EDAR: variants seen among roughly 807,000 people sequenced by gnomAD.
EDAR encodes tumor necrosis factor receptor superfamily member EDAR.
A neutral mutation model predicts 51.3 loss-of-function variants in EDAR; 38 were observed. The ratio of observed to expected loss-of-function variants is 0.74; its 90% CI spans 0.57 to 0.97. EDAR has a LOEUF of 0.97. EDAR is among the 50% of genes least tolerant of loss of function. EDAR has a pLI of 0.00. For synonymous variants in EDAR, 227 were observed against 242.1 expected (o/e 0.94, Z 0.58); for missense variants, 528 against 595.0 (o/e 0.89, Z 1.17).
intron 5 of EDAR, among the ~76,000 whole-genome samples, chr2:108,922,280 T>C (rs749198167): frequency 6.6e-6 from 1 of 152,244 alleles, no homozygotes; most frequent in Non-Finnish European, 1.5e-5. Context: ...TGAATCAGCC[T>C]AGATCCCCAC....
chr2:108,903,635 C>T (rs1459778215), intron 11 of EDAR, among the ~76,000 whole-genome samples: 1 of 152,016 alleles, frequency 6.6e-6, no homozygotes, highest in Non-Finnish European at 1.5e-5. Flanking sequence ...GTTTGAAAAG[C>T]AATTCAATGG....
intron 6 of EDAR, among the ~76,000 whole-genome samples, chr2:108,911,773 G>A (rs1001511896): frequency 5.3e-5 from 8 of 152,116 alleles, no homozygotes; most frequent in African/African-American, 1.7e-4. Context: ...AAATAGACAG[G>A]AGACCAGCAT....
chr2:108,988,457 C>T (rs561574005), intron 1 of EDAR, among the ~76,000 whole-genome samples: 40 of 152,270 alleles, frequency 2.6e-4, no homozygotes, highest in Admixed American at 1.8e-3. Context: ...CCCGCTCCCC[C>T]GCCACCAACA....
intron 5 of EDAR, among the ~76,000 whole-genome samples, chr2:108,919,773 G>A (rs1558807865): frequency 6.6e-6 from 1 of 151,944 alleles, no homozygotes; most frequent in South Asian, 2.1e-4. Context: ...GCGAGGCTCC[G>A]TGGGGCACCT....
Position 108,895,778 on chromosome 2 carries a change from T to C in EDAR, c.*1129A>G, listed in dbSNP as rs13001699. 111,646 of 152,210 alleles carry C rather than the reference T, an allele frequency of 0.73. 43,751 individuals carry two copies. Among genetic ancestry groups the C allele is most frequent in the East Asian group, 0.97 (5,002 of 5,178 alleles). 9.4% of individuals were successfully genotyped at this position (152,210 alleles called of 1,614,324 possible). ...CAACTAGAAGCCAGCTCCCTCGACA[T>C]CAAGCCCAGGCTCTCATTTGCGCTG... On this transcript the variant is annotated 3_prime_UTR_variant, in exon 12 of 12. Transcript: ENST00000258443.
At chr2:108,975,822 T>C (rs1248720516) in intron 1 of EDAR, among the ~76,000 whole-genome samples, 1 of 152,040 alleles carries the variant, frequency 6.6e-6, no homozygotes, top group Non-Finnish European at 1.5e-5. Flanking sequence ...CTGAACGAGC[T>C]CGAGAAGTCA....
intron 11 of EDAR, among the ~76,000 whole-genome samples, chr2:108,904,132 C>T (rs754266775): frequency 3.3e-5 from 5 of 151,772 alleles, no homozygotes; most frequent in Non-Finnish European, 4.4e-5. Context: ...AAAAATCATA[C>T]GATACCATTG....
chr2:108,896,812 C>T lies in EDAR; in HGVS notation c.*95G>A. 2 of 1,288,562 alleles carry T rather than the reference C, an allele frequency of 1.6e-6. No homozygotes were observed. Among genetic ancestry groups the T allele is most frequent in the Non-Finnish European group, 2.2e-6 (2 of 924,214 alleles). The allele number at this position is 1,288,562 out of a possible 1,614,324, so 79.8% of individuals were successfully genotyped here. On this transcript the variant is annotated 3_prime_UTR_variant, in exon 12 of 12. Transcript: ENST00000258443. ...GCATACGGTGACATATCACAAAAGC[C>T]TTGATTCTTGGCAGTCTTTTGGCAC...
At chr2:108,900,686 T>C (rs1217512960) in intron 11 of EDAR, among the ~76,000 whole-genome samples, 1 of 151,912 alleles carries the variant, frequency 6.6e-6, no homozygotes, top group Non-Finnish European at 1.5e-5. Context: ...TTCAATATAA[T>C]GAGAGAGGCG....
At chr2:108,971,943 G>C (rs1475501773) in intron 1 of EDAR, among the ~76,000 whole-genome samples, 1 of 152,170 alleles carries the variant, frequency 6.6e-6, no homozygotes, top group Non-Finnish European at 1.5e-5. Context: ...GTCACATAGG[G>C]GCAACAGAGG....
rs527906309 is a variant in EDAR at position 108,913,100 on chromosome 2, C to G, written c.443-336G>C. On this transcript the variant is annotated intron_variant, in intron 5 of 11. Transcript: ENST00000258443. The stretch of plus-strand genomic sequence containing the variant: ...AGTAACTGGGACTACAGGCACCCAC[C>G]ACCACACCTGGCTAATTTTTTTGTA... 3.3e-5 allele frequency among the ~76,000 whole-genome samples: 5 copies of G among 152,094 alleles called. No individual in the cohort carries two copies. The South Asian group carries it at 8.3e-4, about 25-fold the overall frequency.
In EDAR at chr2:108,894,608, A is replaced by G. The variant is rs543743909; in HGVS notation, c.*2299T>C. The G allele has an allele frequency of 6.6e-6, 1 of 152,496 alleles. No individual in the cohort carries two copies. The highest frequency in any genetic ancestry group is 1.5e-5 in the Non-Finnish European group (1 of 67,966). The allele number at this position is 152,496 out of a possible 1,614,324, so 9.4% of individuals were successfully genotyped here. Reference sequence around the variant, plus strand: ...CCCTGGGGTGTTTTCTAAATGTTTTAAAGTATTGCAGAATTATGAATATCT... The same window carrying G: ...CCCTGGGGTGTTTTCTAAATGTTTTGAAGTATTGCAGAATTATGAATATCT... On this transcript the variant is annotated 3_prime_UTR_variant, in exon 12 of 12. Coordinates refer to ENST00000258443, the MANE Select transcript of EDAR (RefSeq NM_022336.4).
At chr2:108,927,370 C>T (rs997261429) in intron 4 of EDAR, among the ~76,000 whole-genome samples, 5 of 152,312 alleles carry the variant, frequency 3.3e-5, no homozygotes, top group Admixed American at 6.5e-5. Flanking sequence ...ACTAATTCTG[C>T]AGATGGCTGT....
At chr2:108,957,969 A>G (rs1259800286) in intron 1 of EDAR, among the ~76,000 whole-genome samples, 2 of 152,218 alleles carry the variant, frequency 1.3e-5, no homozygotes, top group African/African-American at 4.8e-5. Flanking sequence ...AAAATGAACT[A>G]CCAGCAGTTT....
intron 4 of EDAR, among the ~76,000 whole-genome samples, chr2:108,924,866 C>T (rs1313887756): frequency 6.6e-6 from 1 of 152,238 alleles, no homozygotes; most frequent in African/African-American, 2.4e-5. Context: ...AGGTGTCTGC[C>T]ACGTGGCCTT....
rs762744054 is a variant in EDAR, at chr2:108,912,706, G to C, written c.501C>G (p.Thr167=). The C allele has an allele frequency of 6.2e-7, 1 of 1,600,950 alleles. No homozygotes were observed. Among genetic ancestry groups the C allele is most frequent in the Non-Finnish European group, 8.5e-7 (1 of 1,174,236 alleles). Residue 167 remains threonine, a synonymous_variant, in exon 6 of 12, where the codon ACC becomes ACG. Transcript: ENST00000258443. ...TGTGGGCGTGCTGGAAGGGAGACAGGGTGCTGCTGCCCGAGGTGCCAGGGA... is the reference window on the plus strand; with the variant it reads ...TGTGGGCGTGCTGGAAGGGAGACAGCGTGCTGCTGCCCGAGGTGCCAGGGA... The part of the protein sequence containing the change: ...ANFPGTSGSS[T]LSPFQHAHKE...
chr2:108,968,700 T>C (rs985713807), intron 1 of EDAR, among the ~76,000 whole-genome samples: 1 of 152,192 alleles, frequency 6.6e-6, no homozygotes, highest in Non-Finnish European at 1.5e-5. Flanking sequence ...CCCTTTACTC[T>C]GGGTAGCCCT....
intron 4 of EDAR, among the ~76,000 whole-genome samples, chr2:108,928,050 T>G (rs1388441618): frequency 6.6e-6 from 1 of 152,146 alleles, no homozygotes; most frequent in African/African-American, 2.4e-5. Context: ...GTCTGCGTGT[T>G]GACCTGCATC....
intron 1 of EDAR, among the ~76,000 whole-genome samples, chr2:108,965,605 T>G (rs1421480174): frequency 6.6e-6 from 1 of 152,176 alleles, no homozygotes; most frequent in Non-Finnish European, 1.5e-5. Context: ...CTACTGGCTT[T>G]GGGTCTTTTC....
Sources: allele counts gnomAD v4.1 joint callset (sites outside exome capture counted in the v4.1 genomes callset), GRCh38; gene constraint gnomAD v4.1.1; transcripts MANE v1.5; gene names NCBI Gene and HGNC (gene_info 2026-07-23, HGNC 2026-07-21).